ZMAT4: variants seen among roughly 807,000 people sequenced by gnomAD.
ZMAT4 encodes zinc finger matrin-type 4.
Under a neutral mutation model 28.7 loss-of-function variants are expected in ZMAT4, and 17 were observed. That is an observed-to-expected ratio of 0.59 (90% confidence interval 0.41 to 0.89). The LOEUF is 0.89. Ranked by LOEUF, ZMAT4 falls within the 40% of genes least tolerant of loss-of-function variation. The probability of loss-of-function intolerance (pLI) is 0.00; values close to 1 mark genes in which losing one functional copy is unlikely to be tolerated. For synonymous variants in ZMAT4, 117 were observed against 109.2 expected (o/e 1.07, Z -0.44); for missense variants, 240 against 283.8 (o/e 0.85, Z 1.11).
chr8:40,717,787 A>G (rs4604415), intron 3 of ZMAT4, among the ~76,000 whole-genome samples: 91,616 of 151,972 alleles, frequency 0.6, 28,251 homozygotes, highest in African/African-American at 0.73. Context: ...TGTCAATAGG[A>G]ACCTACTTTA....
intron 3 of ZMAT4, among the ~76,000 whole-genome samples, chr8:40,749,889 T>G (rs1186221451): frequency 6.6e-6 from 1 of 152,244 alleles, no homozygotes; most frequent in Non-Finnish European, 1.5e-5. Flanking sequence ...CACACAGCAA[T>G]GCTTACATGA....
chr8:40,806,146 T>C (rs1815076541), intron 2 of ZMAT4, among the ~76,000 whole-genome samples: 1 of 152,180 alleles, frequency 6.6e-6, no homozygotes, highest in Non-Finnish European at 1.5e-5. Flanking sequence ...TAAAAGAATT[T>C]GTAGAATGTC....
intron 4 of ZMAT4, among the ~76,000 whole-genome samples, chr8:40,677,572 A>T (rs1255960890): frequency 6.6e-6 from 1 of 152,278 alleles, no homozygotes; most frequent in African/African-American, 2.4e-5. Context: ...TGGACAGAAC[A>T]AATTGTGGAA....
In ZMAT4 at chr8:40,883,508, C is replaced by T. The variant is rs746676891; in HGVS notation, c.-5+14175G>A. ...AAGACAGCAAAGGATTCAGCTCCCA[C>T]CTTCTGAGATCCACCCTCCCATTCA... On this transcript the variant is annotated intron_variant, in intron 1 of 6. Transcript: ENST00000297737. 3.9e-5 allele frequency among the ~76,000 whole-genome samples: 6 copies of T among 152,114 alleles called. No homozygotes were observed. In the South Asian group the frequency reaches 1.2e-3, roughly 32 times the overall value.
intron 5 of ZMAT4, among the ~76,000 whole-genome samples, chr8:40,613,787 G>T (rs982352438): frequency 1.3e-5 from 2 of 152,156 alleles, no homozygotes; most frequent in Admixed American, 6.5e-5. Context: ...TGAACTTGAG[G>T]GAATCACTGC....
At chr8:40,533,845 A>C (rs1563329114) in intron 6 of ZMAT4, among the ~76,000 whole-genome samples, 1 of 152,220 alleles carries the variant, frequency 6.6e-6, no homozygotes, top group African/African-American at 2.4e-5. Flanking sequence ...TCCGGTCATG[A>C]CCTAAAGAAA....
intron 3 of ZMAT4, 125 bp downstream of exon 3, chr8:40,767,516 T>C: frequency 1.4e-6 from 1 of 739,626 alleles, no homozygotes. Flanking sequence ...TAATATTTAG[T>C]GAGAACTATT....
At chr8:40,871,295 T>G (rs1156916626) in intron 1 of ZMAT4, among the ~76,000 whole-genome samples, 2 of 152,206 alleles carry the variant, frequency 1.3e-5, no homozygotes, top group African/African-American at 2.4e-5. Context: ...GTCCAAAGAC[T>G]CCTTTCCACT....
chr8:40,658,275 T>C (rs1343824336), intron 5 of ZMAT4, among the ~76,000 whole-genome samples: 2 of 152,172 alleles, frequency 1.3e-5, no homozygotes, highest in East Asian at 1.9e-4. Flanking sequence ...TGAGCATGAG[T>C]CACATTTCCT....
intron 2 of ZMAT4, among the ~76,000 whole-genome samples, chr8:40,820,885 ATG>A (rs1381459689): frequency 5.4e-5 from 3 of 55,164 alleles, no homozygotes; most frequent in African/African-American, 2.2e-4. Context: ...GTGCATGTGT[ATG>A]TGTTTATGTG....
intron 1 of ZMAT4, among the ~76,000 whole-genome samples, chr8:40,867,827 A>G (rs954285952): frequency 1.3e-5 from 2 of 152,132 alleles, no homozygotes; most frequent in African/African-American, 4.8e-5. Flanking sequence ...TGCATTTATT[A>G]TCTTATAAAA....
chr8:40,733,045 A>G (rs1018449332), intron 3 of ZMAT4, among the ~76,000 whole-genome samples: 3 of 151,776 alleles, frequency 2.0e-5, no homozygotes, highest in Admixed American at 2.0e-4. Flanking sequence ...AGGTCTTGCT[A>G]TGTTGCCCAG....
At chr8:40,724,838 G>C (rs565884544) in intron 3 of ZMAT4, among the ~76,000 whole-genome samples, 46 of 152,284 alleles carry the variant, frequency 3.0e-4, no homozygotes, top group African/African-American at 1.1e-3. Flanking sequence ...ATGCAGAGCA[G>C]GAGATGAAGT....
chr8:40,809,164 T>A (rs1815215656), intron 2 of ZMAT4, among the ~76,000 whole-genome samples: 1 of 152,238 alleles, frequency 6.6e-6, no homozygotes, highest in Admixed American at 6.5e-5. Flanking sequence ...AACATGAATG[T>A]TGCTGAAGGC....
At chr8:40,664,278 A>G (rs555288938) in intron 5 of ZMAT4, among the ~76,000 whole-genome samples, 195 of 152,266 alleles carry the variant, frequency 1.3e-3, no homozygotes, top group Non-Finnish European at 2.3e-3. Context: ...TCAAAACCCC[A>G]AGGAGAGGCC....
At chr8:40,571,221 G>T (rs190888345) in intron 6 of ZMAT4, among the ~76,000 whole-genome samples, 1 of 152,024 alleles carries the variant, frequency 6.6e-6, no homozygotes, top group Admixed American at 6.6e-5. Context: ...TTTTCAAGTC[G>T]GCAAAACACC....
intron 2 of ZMAT4, among the ~76,000 whole-genome samples, chr8:40,801,341 T>TAAAAA (rs201742506): frequency 1.2e-4 from 14 of 114,594 alleles, no homozygotes; most frequent in African/African-American, 4.7e-4. Flanking sequence ...ATACTTTCTT[T>TAAAAA]AAAAAAAAAA....
At chr8:40,545,071 T>C (rs1803157184) in intron 6 of ZMAT4, among the ~76,000 whole-genome samples, 1 of 152,160 alleles carries the variant, frequency 6.6e-6, no homozygotes, top group African/African-American at 2.4e-5. Flanking sequence ...GTTGTGAGCT[T>C]CTCATGCCTA....
chr8:40,552,736 G>T (rs1803402689), intron 6 of ZMAT4, among the ~76,000 whole-genome samples: 1 of 152,120 alleles, frequency 6.6e-6, no homozygotes, highest in Non-Finnish European at 1.5e-5. Flanking sequence ...CTCTGCAGAT[G>T]ACCAAAAGGC....
Sources: gnomAD v4.1 joint callset for allele counts (sites outside exome capture counted in the v4.1 genomes callset) on GRCh38, gnomAD v4.1.1 for gene constraint, MANE v1.5 for transcripts, NCBI Gene and HGNC (gene_info 2026-07-23, HGNC 2026-07-21) for gene names.